Variants in TAB2 observed in about 807,000 individuals in gnomAD.
TAB2 encodes the protein TGF-beta activated kinase 1 (MAP3K7) binding protein 2, also known as TGF-beta-activated kinase 1 and MAP3K7-binding protein 2.
A neutral mutation model predicts 65.0 loss-of-function variants in TAB2; 3 were observed. That is an observed-to-expected ratio of 0.05 (90% CI 0.02 to 0.12). The LOEUF (loss-of-function observed/expected upper bound fraction) is 0.12, where lower values mean the gene tolerates loss of function less well. Ranked by LOEUF, TAB2 falls within the 10% of genes least tolerant of loss-of-function variation. The pLI is 1.00. For synonymous variants in TAB2, 298 were observed against 285.1 expected, an observed-to-expected ratio of 1.05 and a Z score of -0.46; for missense variants, 623 against 840.3, an observed-to-expected ratio of 0.74 and a Z score of 3.20.
At chr6:149,254,848 T>C (rs1777978097) in intron 1 of TAB2, among the ~76,000 whole-genome samples, 1 of 152,220 alleles carries the variant, frequency 6.6e-6, no homozygotes, top group African/African-American at 2.4e-5. Context: ...AAATGCCTGA[T>C]GATATGGAAA....
intron 2 of TAB2, among the ~76,000 whole-genome samples, chr6:149,370,838 G>T (rs1366997658): frequency 4.0e-5 from 6 of 151,878 alleles, no homozygotes; most frequent in African/African-American, 1.5e-4. Context: ...GGTTGAGGCG[G>T]GTGGATTGCT....
intron 1 of TAB2, among the ~76,000 whole-genome samples, chr6:149,359,028 C>A (rs1780761890): frequency 6.6e-6 from 1 of 151,680 alleles, no homozygotes; most frequent in South Asian, 2.1e-4. Flanking sequence ...TTATGATTTC[C>A]TTTTATCTCC....
intron 1 of TAB2, among the ~76,000 whole-genome samples, chr6:149,254,615 A>G (rs965287549): frequency 6.6e-6 from 1 of 152,206 alleles, no homozygotes; most frequent in Non-Finnish European, 1.5e-5. Flanking sequence ...CCTGCATTCC[A>G]GATGGTGTCT....
Position 149,243,109 on chromosome 6 carries a change from A to G in TAB2, c.-121+24333A>G, listed in dbSNP as rs559660169. Among the ~76,000 whole-genome samples the G allele has an allele frequency of 2.0e-5, 3 of 152,348 alleles. No homozygotes were observed. The South Asian group carries it at 6.2e-4, about 32-fold the overall frequency. ...CTGCCTGCTGACTCATAGTGTAAAC[A>G]CAGGGGTTCATTCCCTTCTCTCCGA... is the stretch of plus-strand genomic sequence containing the variant. On this transcript the variant is annotated intron_variant, in intron 1 of 1. Coordinates refer to the TAB2 transcript ENST00000606202.
At chr6:149,371,977 G>T (rs1781241690) in intron 2 of TAB2, among the ~76,000 whole-genome samples, 1 of 152,104 alleles carries the variant, frequency 6.6e-6, no homozygotes, top group African/African-American at 2.4e-5. Flanking sequence ...AGAGAATTTT[G>T]TGGTAAAATA....
At chr6:149,372,935 A>G (rs1384350376) in intron 2 of TAB2, among the ~76,000 whole-genome samples, 2 of 152,208 alleles carry the variant, frequency 1.3e-5, no homozygotes, top group African/African-American at 4.8e-5. Flanking sequence ...TTCCTGCAGT[A>G]TACTGGTTCA....
intron 1 of TAB2, among the ~76,000 whole-genome samples, chr6:149,303,575 T>C (rs1368944058): frequency 6.6e-6 from 1 of 152,226 alleles, no homozygotes; most frequent in Non-Finnish European, 1.5e-5. Flanking sequence ...GGCTTTCTCT[T>C]GATAGAATAA....
intron 1 of TAB2, among the ~76,000 whole-genome samples, chr6:149,353,877 T>C (rs1428851470): frequency 6.6e-6 from 1 of 152,190 alleles, no homozygotes; most frequent in Non-Finnish European, 1.5e-5. Context: ...TAAATATATA[T>C]ATTTGTGTAT....
intron 2 of TAB2, among the ~76,000 whole-genome samples, chr6:149,377,628 C>T (rs1398339757): frequency 6.6e-6 from 1 of 152,050 alleles, no homozygotes; most frequent in Non-Finnish European, 1.5e-5. Flanking sequence ...AATATTTTTC[C>T]ATTTAGCTTT....
At chr6:149,247,510 C>T (rs550358893) in intron 1 of TAB2, 2 of 152,342 alleles carry the variant, frequency 1.3e-5, no homozygotes, top group East Asian at 3.9e-4. Context: ...GCTCTTCAGC[C>T]GCTCCCACAA....
At chr6:149,228,638 A>G (rs1043807342) in intron 1 of TAB2, among the ~76,000 whole-genome samples, 10 of 152,244 alleles carry the variant, frequency 6.6e-5, no homozygotes, top group African/African-American at 1.9e-4. Flanking sequence ...TTAGCCCCCT[A>G]ACGATTCAGG....
chr6:149,337,327 CTAGA>C (rs1226431201), intron 1 of TAB2, among the ~76,000 whole-genome samples: 1 of 151,878 alleles, frequency 6.6e-6, no homozygotes, highest in Non-Finnish European at 1.5e-5. Flanking sequence ...CTTTATAATC[CTAGA>C]TATTGTATTT....
Position 149,334,004 on chromosome 6 carries a change from G to A in TAB2, c.-90+15989G>A, listed in dbSNP as rs1482230588. Reference sequence around the variant, plus strand: ...CATGATTATTGGGAGCATTAGATGAGTTTATGCATTATAAGTCATTTGACC... The same window carrying A: ...CATGATTATTGGGAGCATTAGATGAATTTATGCATTATAAGTCATTTGACC... On this transcript the variant is annotated intron_variant, in intron 1 of 6. Transcript: ENST00000637181. Among the ~76,000 whole-genome samples the A allele has an allele frequency of 3.3e-5, 5 of 152,130 alleles. No individual in the cohort carries two copies. In the East Asian group the frequency reaches 9.6e-4, roughly 29 times the overall value.
In TAB2 at chr6:149,265,829, C is replaced by T. The variant is rs1370976731; in HGVS notation, c.-121+47053C>T. 3.9e-5 allele frequency among the ~76,000 whole-genome samples: 6 copies of T among 152,086 alleles called. No homozygotes were observed. The South Asian group carries it at 6.2e-4, about 16-fold the overall frequency. ...AGTTTTCCACAATCTGACACTGACC[C>T]GCATCAGTCACCCACCGCAGGTCCC... On this transcript the variant is annotated intron_variant, in intron 1 of 1. Coordinates refer to the TAB2 transcript ENST00000606202.
chr6:149,326,738 G>T (rs1779633083), intron 1 of TAB2, among the ~76,000 whole-genome samples: 1 of 152,104 alleles, frequency 6.6e-6, no homozygotes, highest in Non-Finnish European at 1.5e-5. Context: ...AGTAAAGACA[G>T]GGTTTCACCA....
At chr6:149,343,557 T>C (rs1036837255) in intron 1 of TAB2, among the ~76,000 whole-genome samples, 8 of 152,172 alleles carry the variant, frequency 5.3e-5, no homozygotes, top group Non-Finnish European at 1.2e-4. Flanking sequence ...ATGTATTATA[T>C]AGTACTTTAC....
chr6:149,272,488 C>T (rs1371546931), intron 1 of TAB2, among the ~76,000 whole-genome samples: 1 of 152,126 alleles, frequency 6.6e-6, no homozygotes, highest in Non-Finnish European at 1.5e-5. Flanking sequence ...TGGCTCATGG[C>T]CCCTTCCATC....
chr6:149,384,278 C>T (rs1156730860), intron 3 of TAB2, among the ~76,000 whole-genome samples: 1 of 151,980 alleles, frequency 6.6e-6, no homozygotes, highest in Non-Finnish European at 1.5e-5. Flanking sequence ...TTTAATCTAC[C>T]ATTTGAAATC....
chr6:149,401,655 TAAAG>T (rs1286794588), intron 6 of TAB2, among the ~76,000 whole-genome samples: 1 of 152,024 alleles, frequency 6.6e-6, no homozygotes, highest in South Asian at 2.1e-4. Context: ...AGAAAATGAA[TAAAG>T]AAACAGCTGA....
Sources: allele counts gnomAD v4.1 joint callset (sites outside exome capture counted in the v4.1 genomes callset), GRCh38; gene constraint gnomAD v4.1.1; transcripts MANE v1.5; gene names NCBI Gene and HGNC (gene_info 2026-07-23, HGNC 2026-07-21).